The following EBF2 variants were observed in gnomAD, a reference collection of about 807,000 sequenced individuals.
The protein encoded by EBF2 is EBF transcription factor 2.
A neutral mutation model predicts 72.8 loss-of-function variants in EBF2; 21 were observed. The ratio of observed to expected loss-of-function variants is 0.29; its 90% CI spans 0.20 to 0.42. The LOEUF (loss-of-function observed/expected upper bound fraction) is 0.42, where lower values mean the gene tolerates loss of function less well. Among genes scored for constraint, EBF2 ranks in the 10% least tolerant of loss-of-function variants. EBF2 has a pLI of 1.00. For synonymous variants in EBF2, 299 were observed against 274.2 expected, an observed-to-expected ratio of 1.09 and a Z score of -0.89; for missense variants, 637 against 731.2, an observed-to-expected ratio of 0.87 and a Z score of 1.49.
Position 25,862,781 on chromosome 8 carries a change from G to T in EBF2, c.1026C>A (p.Thr342=). The T allele has an allele frequency of 1.3e-6, 2 of 1,593,634 alleles. No homozygotes were observed. Among genetic ancestry groups the T allele is most frequent in the Non-Finnish European group, 1.7e-6 (2 of 1,168,922 alleles). ...GCAGTCTCTGGAAGCCATAGTCTAT[G>T]GTGGGTTCATTTAATGCTGAAAGAG... is the stretch of plus-strand genomic sequence containing the variant. ...RFIYTALNEP[T]IDYGFQRLQK... The change falls in exon 11 of 16, where the codon ACC becomes ACA. Residue 342 remains threonine, a synonymous_variant. Coordinates refer to ENST00000520164, the MANE Select transcript of EBF2 (RefSeq NM_022659.4).
At chr8:26,024,962 A>G (rs1226778282) in intron 6 of EBF2, among the ~76,000 whole-genome samples, 1 of 152,252 alleles carries the variant, frequency 6.6e-6, no homozygotes, top group Non-Finnish European at 1.5e-5. Context: ...AATAGGTAAA[A>G]TAAATAAATA....
intron 10 of EBF2, among the ~76,000 whole-genome samples, chr8:25,867,880 T>C (rs1330708023): frequency 6.6e-6 from 1 of 152,228 alleles, no homozygotes; most frequent in African/African-American, 2.4e-5. Context: ...AATATCATTG[T>C]ATTTTTTCTA....
chr8:25,895,060 A>G (rs1300127631), intron 7 of EBF2, among the ~76,000 whole-genome samples: 1 of 152,218 alleles, frequency 6.6e-6, no homozygotes, highest in Non-Finnish European at 1.5e-5. Context: ...AGGAATACAG[A>G]TGTCCATAAT....
chr8:25,976,916 C>T (rs542953018), intron 6 of EBF2, among the ~76,000 whole-genome samples: 7 of 152,296 alleles, frequency 4.6e-5, no homozygotes, highest in South Asian at 4.1e-4. Flanking sequence ...TTAAAAGGAA[C>T]GCTCTGTGCA....
chr8:25,882,822 C>T (rs1165617318), intron 10 of EBF2, among the ~76,000 whole-genome samples: 1 of 152,234 alleles, frequency 6.6e-6, no homozygotes, highest in Non-Finnish European at 1.5e-5. Flanking sequence ...GTGGGAGACA[C>T]TGGTTTGACT....
chr8:25,900,864 G>A (rs1802939716), intron 7 of EBF2, among the ~76,000 whole-genome samples: 1 of 152,038 alleles, frequency 6.6e-6, no homozygotes, highest in Non-Finnish European at 1.5e-5. Context: ...GTTGGTTAAT[G>A]GGTACAAACA....
intron 4 of EBF2, 58 bp downstream of exon 4, chr8:26,040,558 G>A (rs1017058265): frequency 6.6e-7 from 1 of 1,517,298 alleles, no homozygotes; most frequent in East Asian, 2.5e-5. Flanking sequence ...ACAAACTGGG[G>A]GGTTTGGGGG....
intron 14 of EBF2, among the ~76,000 whole-genome samples, chr8:25,856,916 C>T (rs538315622): frequency 6.6e-6 from 1 of 152,204 alleles, no homozygotes; most frequent in Non-Finnish European, 1.5e-5. Flanking sequence ...CATGCTGGCC[C>T]TGGCATTTTC....
chr8:25,969,219 T>C (rs898373062), intron 6 of EBF2, among the ~76,000 whole-genome samples: 5 of 152,168 alleles, frequency 3.3e-5, no homozygotes, highest in Admixed American at 6.5e-5. Flanking sequence ...ACAAACTCCA[T>C]CAATGAGAGT....
At chr8:25,919,816 C>T (rs1803279500) in intron 6 of EBF2, among the ~76,000 whole-genome samples, 1 of 152,162 alleles carries the variant, frequency 6.6e-6, no homozygotes, top group Admixed American at 6.5e-5. Flanking sequence ...AAGGAGAACC[C>T]AGCAACCTCC....
intron 5 of EBF2, among the ~76,000 whole-genome samples, 194 bp downstream of exon 5, chr8:26,039,834 G>A (rs1402283739): frequency 1.3e-5 from 2 of 152,176 alleles, no homozygotes; most frequent in Admixed American, 1.3e-4. Context: ...GTCGTTCTGA[G>A]TCCCAATGGT....
intron 6 of EBF2, among the ~76,000 whole-genome samples, chr8:25,918,343 AGCATC>A: frequency 6.6e-6 from 1 of 152,324 alleles, no homozygotes. Flanking sequence ...AATGTTTGTT[AGCATC>A]ATTAAACTAA....
chr8:25,996,323 TGAA>T (rs1283457720), intron 6 of EBF2, among the ~76,000 whole-genome samples: 2 of 149,538 alleles, frequency 1.3e-5, no homozygotes, highest in African/African-American at 4.9e-5. Flanking sequence ...TGAAGAAGGT[TGAA>T]GAAGATGTGA....
chr8:25,957,804 C>G (rs763801627), intron 6 of EBF2, among the ~76,000 whole-genome samples: 40 of 152,126 alleles, frequency 2.6e-4, no homozygotes, highest in Admixed American at 1.6e-3. Context: ...AGTTCAAGAT[C>G]GTGGTGAACC....
At chr8:26,006,421 T>C (rs1385359960) in intron 6 of EBF2, among the ~76,000 whole-genome samples, 3 of 152,352 alleles carry the variant, frequency 2.0e-5, no homozygotes, top group African/African-American at 7.2e-5. Context: ...CTCTGTGCCA[T>C]CATTTGCTTA....
chr8:25,983,282 T>C (rs1467853802), intron 6 of EBF2, among the ~76,000 whole-genome samples: 1 of 152,116 alleles, frequency 6.6e-6, no homozygotes, highest in Non-Finnish European at 1.5e-5. Flanking sequence ...AAAGTTAAAA[T>C]AACACCACAA....
intron 6 of EBF2, among the ~76,000 whole-genome samples, chr8:25,983,061 C>A (rs1159492138): frequency 6.6e-6 from 1 of 152,068 alleles, no homozygotes; most frequent in Non-Finnish European, 1.5e-5. Context: ...CCAGTGGAAC[C>A]AGGAATCACA....
At chr8:26,006,961 T>C (rs1293733754) in intron 6 of EBF2, among the ~76,000 whole-genome samples, 1 of 152,234 alleles carries the variant, frequency 6.6e-6, no homozygotes, top group Non-Finnish European at 1.5e-5. Flanking sequence ...GATGACAGCA[T>C]AGTCTACCTC....
At chr8:26,033,047 G>T in intron 6 of EBF2, 38 bp downstream of exon 6, 2 of 1,591,060 alleles carry the variant, frequency 1.3e-6, no homozygotes, top group Non-Finnish European at 1.7e-6. Context: ...TGAAGAAAAG[G>T]AACCAAAAAT....
Sources: gnomAD v4.1 joint callset for allele counts (sites outside exome capture counted in the v4.1 genomes callset) on GRCh38, gnomAD v4.1.1 for gene constraint, MANE v1.5 for transcripts, NCBI Gene and HGNC (gene_info 2026-07-23, HGNC 2026-07-21) for gene names.